ULK4: variants seen among roughly 807,000 people sequenced by gnomAD.
The protein encoded by ULK4 is unc-51 like kinase 4.
A neutral mutation model predicts 160.6 loss-of-function variants in ULK4; 133 were observed. The ratio of observed to expected loss-of-function variants is 0.83; its 90% confidence interval spans 0.72 to 0.96. ULK4 has a LOEUF of 0.96. ULK4 is among the 40% of genes least tolerant of loss of function. The probability of loss-of-function intolerance (pLI) is 0.00; values close to 1 mark genes in which losing one functional copy is unlikely to be tolerated. For missense variants in ULK4, 1,580 were observed against 1,499.5 expected, an observed-to-expected ratio of 1.05 and a Z score of -0.89; for synonymous variants, 534 against 539.8, an observed-to-expected ratio of 0.99 and a Z score of 0.15.
At chr3:41,621,855 A>AT (rs1261089570) in intron 30 of ULK4, among the ~76,000 whole-genome samples, 5 of 152,104 alleles carry the variant, frequency 3.3e-5, no homozygotes, top group African/African-American at 1.2e-4. Flanking sequence ...AATTTTTGCA[A>AT]TTTTTCTGTG....
At chr3:41,470,134 C>T (rs1464716474) in intron 32 of ULK4, among the ~76,000 whole-genome samples, 1 of 150,226 alleles carries the variant, frequency 6.7e-6, no homozygotes, top group Non-Finnish European at 1.5e-5. Flanking sequence ...GCACAGAGGT[C>T]TCCAATCAAA....
chr3:41,669,551 C>T (rs938493201), intron 29 of ULK4, among the ~76,000 whole-genome samples: 1 of 152,166 alleles, frequency 6.6e-6, no homozygotes, highest in African/African-American at 2.4e-5. Context: ...AGCCACTGTG[C>T]CTGGCCAAAA....
intron 32 of ULK4, among the ~76,000 whole-genome samples, chr3:41,506,770 ATAT>A (rs1559658083): frequency 2.1e-4 from 21 of 100,118 alleles, no homozygotes; most frequent in South Asian, 1.1e-3. Flanking sequence ...GATTTAAAAT[ATAT>A]ATATATATAT....
At chr3:41,730,839 C>T (rs1372889914) in intron 22 of ULK4, among the ~76,000 whole-genome samples, 1 of 152,092 alleles carries the variant, frequency 6.6e-6, no homozygotes, top group Non-Finnish European at 1.5e-5. Flanking sequence ...TCACCATAAT[C>T]AAGTGTAATT....
chr3:41,922,119 C>T (rs1220919213), intron 5 of ULK4, among the ~76,000 whole-genome samples: 1 of 152,144 alleles, frequency 6.6e-6, no homozygotes, highest in African/African-American at 2.4e-5. Context: ...CACCACTGCA[C>T]TCCAGCCTAG....
At chr3:41,339,015 C>T (rs1317152847) in intron 35 of ULK4, among the ~76,000 whole-genome samples, 1 of 151,886 alleles carries the variant, frequency 6.6e-6, no homozygotes, top group Non-Finnish European at 1.5e-5. Context: ...CAATTCAATG[C>T]TCATCTCTTC....
At chr3:41,804,243 T>C (rs1031028996) in intron 19 of ULK4, among the ~76,000 whole-genome samples, 168 of 152,276 alleles carry the variant, frequency 1.1e-3, no homozygotes, top group Non-Finnish European at 1.9e-3. Context: ...CCAGTGATGG[T>C]GAGCATTTTT....
intron 22 of ULK4, among the ~76,000 whole-genome samples, chr3:41,735,709 T>TTATTATTA (rs1365781708): frequency 1.3e-5 from 2 of 150,044 alleles, no homozygotes; most frequent in Non-Finnish European, 3.0e-5. Flanking sequence ...ATTATTATTA[T>TTATTATTA]TATTATACTT....
chr3:41,537,877 T>C (rs534688351), intron 32 of ULK4, among the ~76,000 whole-genome samples: 1 of 151,710 alleles, frequency 6.6e-6, no homozygotes, highest in African/African-American at 2.4e-5. Flanking sequence ...CCTTAAATGC[T>C]AGCACTCACT....
At chr3:41,324,284 G>C (rs566179726) in intron 35 of ULK4, among the ~76,000 whole-genome samples, 1 of 152,320 alleles carries the variant, frequency 6.6e-6, no homozygotes, top group South Asian at 2.1e-4. Flanking sequence ...TTAATCAGTT[G>C]TCTGCAAATA....
chr3:41,570,759 A>G (rs1004403263), intron 31 of ULK4, among the ~76,000 whole-genome samples: 2 of 152,158 alleles, frequency 1.3e-5, no homozygotes, highest in African/African-American at 4.8e-5. Flanking sequence ...ACTTCCTTCA[A>G]TACAAAAGCT....
Position 41,323,389 on chromosome 3 carries a change from A to G in ULK4, c.3679-73815T>C, listed in dbSNP as rs1456604315. On this transcript the variant is annotated intron_variant, in intron 35 of 36. Coordinates refer to ENST00000301831, the MANE Select transcript of ULK4 (RefSeq NM_017886.4). ...TTAAATCCCGACCCCTTCCTGAACA[A>G]TAACACACACACACACACACACACA... is the stretch of plus-strand genomic sequence containing the variant. Among the ~76,000 whole-genome samples, 9 of 80,480 alleles carry G rather than the reference A, an allele frequency of 1.1e-4. 1 individual carries two copies. Among genetic ancestry groups the G allele is most frequent in the Non-Finnish European group, 1.8e-4 (7 of 39,632 alleles). 52.8% of individuals were successfully genotyped at this position (80,480 alleles called of 152,430 possible).
chr3:41,426,725 A>G (rs2082784791), intron 34 of ULK4, among the ~76,000 whole-genome samples: 1 of 152,222 alleles, frequency 6.6e-6, no homozygotes, highest in Non-Finnish European at 1.5e-5. Context: ...CAACGAGAAC[A>G]AAGAGATGAT....
intron 35 of ULK4, among the ~76,000 whole-genome samples, chr3:41,387,673 T>C (rs1163027350): frequency 1.3e-5 from 2 of 152,228 alleles, no homozygotes; most frequent in African/African-American, 4.8e-5. Context: ...GGTTTCCAGC[T>C]TCATCCATGT....
intron 31 of ULK4, among the ~76,000 whole-genome samples, chr3:41,579,509 T>TG (rs2030069645): frequency 1.8e-5 from 1 of 57,078 alleles, no homozygotes; most frequent in Non-Finnish European, 3.7e-5. Context: ...TTTTTTTTTT[T>TG]TTGAGACGGA....
Position 41,898,454 on chromosome 3 carries a change from T to C in ULK4, c.1326A>G (p.Ile442Met), listed in dbSNP as rs375656459. Residue 442 changes from isoleucine (I) to methionine (M), a missense_variant, in exon 14 of 37, where the codon ATA (isoleucine) becomes ATG (methionine). Coordinates refer to ENST00000301831, the MANE Select transcript of ULK4 (RefSeq NM_017886.4). Reference sequence around the variant, plus strand: ...TACCTGAATATGTTGGTAGATGCAATATTTTTGCATCAAATTTAACTGGTG... The same window carrying C: ...TACCTGAATATGTTGGTAGATGCAACATTTTTGCATCAAATTTAACTGGTG... The part of the protein sequence containing the change: ...KQPPVKFDAK[I>M]LHLPTYSVDK... The C allele has an allele frequency of 6.9e-6, 11 of 1,600,008 alleles. No individual in the cohort carries two copies. The highest frequency in any genetic ancestry group is 1.7e-4 in the Middle Eastern group (1 of 6,012).
intron 29 of ULK4, among the ~76,000 whole-genome samples, chr3:41,670,693 G>C (rs1317988782): frequency 6.6e-6 from 1 of 151,642 alleles, no homozygotes; most frequent in Admixed American, 6.6e-5. Flanking sequence ...AAATATAATT[G>C]CACATAGTAA....
At chr3:41,632,903 A>C (rs2033805152) in intron 30 of ULK4, among the ~76,000 whole-genome samples, 1 of 152,142 alleles carries the variant, frequency 6.6e-6, no homozygotes, top group Non-Finnish European at 1.5e-5. Flanking sequence ...GTACAGCCTG[A>C]GGTTCAGCAA....
intron 31 of ULK4, among the ~76,000 whole-genome samples, chr3:41,614,757 C>T (rs557693896): frequency 1.3e-5 from 2 of 152,286 alleles, no homozygotes; most frequent in South Asian, 4.1e-4. Flanking sequence ...ACCATATGGA[C>T]ATGACAGCAC....
Sources: allele counts gnomAD v4.1 joint callset (sites outside exome capture counted in the v4.1 genomes callset), GRCh38; gene constraint gnomAD v4.1.1; transcripts MANE v1.5; gene names NCBI Gene and HGNC (gene_info 2026-07-23, HGNC 2026-07-21).